Variants in ITGA9 observed in about 807,000 individuals in gnomAD.
ITGA9 encodes the protein integrin subunit alpha 9.
Under a neutral mutation model 127.8 loss-of-function variants are expected in ITGA9, and 56 were observed. The observed-to-expected ratio is 0.44, with a 90% confidence interval of 0.35 to 0.55. The LOEUF (loss-of-function observed/expected upper bound fraction) is 0.55. Ranked by LOEUF, ITGA9 falls within the 20% of genes least tolerant of loss-of-function variation. The pLI, the probability that ITGA9 is intolerant of heterozygous loss-of-function variation, is 0.00. For synonymous variants in ITGA9, 508 were observed against 514.5 expected, an observed-to-expected ratio of 0.99 and a Z score of 0.17; for missense variants, 1,196 against 1,347.1, an observed-to-expected ratio of 0.89 and a Z score of 1.76.
intron 16 of ITGA9, among the ~76,000 whole-genome samples, chr3:37,632,962 C>T (rs1443439604): frequency 1.3e-5 from 2 of 152,136 alleles, no homozygotes; most frequent in Admixed American, 1.3e-4. Flanking sequence ...AGTAACTCTT[C>T]CAAGGAAATT....
At chr3:37,683,843 T>C (rs1169804471) in intron 17 of ITGA9, 22 bp from the exon 18 acceptor site, 1 of 1,613,526 alleles carries the variant, frequency 6.2e-7, no homozygotes, top group East Asian at 2.2e-5. Flanking sequence ...GGGCATTCAT[T>C]GCTGTCTATT....
chr3:37,813,880 C>T (rs1697398032), intron 27 of ITGA9, among the ~76,000 whole-genome samples: 1 of 152,142 alleles, frequency 6.6e-6, no homozygotes, highest in South Asian at 2.1e-4. Flanking sequence ...ACCTTAAAAT[C>T]CCACAGTTCA....
chr3:37,639,750 G>C (rs763338943), intron 16 of ITGA9, among the ~76,000 whole-genome samples: 59 of 152,206 alleles, frequency 3.9e-4, no homozygotes, highest in Admixed American at 1.6e-3. Context: ...GTGAGTCCCT[G>C]GGGAGTCTGT....
intron 3 of ITGA9, among the ~76,000 whole-genome samples, chr3:37,479,180 A>T (rs1213018961): frequency 6.6e-6 from 1 of 152,220 alleles, no homozygotes; most frequent in African/African-American, 2.4e-5. Flanking sequence ...ATTGAGTCAG[A>T]ACTTTAAAAA....
chr3:37,631,744 A>T (rs1476300263), intron 16 of ITGA9, among the ~76,000 whole-genome samples: 3 of 152,124 alleles, frequency 2.0e-5, no homozygotes, highest in Admixed American at 2.0e-4. Flanking sequence ...AAGAAGTGGG[A>T]CTGCAAGTGG....
intron 3 of ITGA9, among the ~76,000 whole-genome samples, chr3:37,475,052 T>C (rs533415116): frequency 6.6e-6 from 1 of 152,362 alleles, no homozygotes; most frequent in African/African-American, 2.4e-5. Flanking sequence ...ACAGGCTCCC[T>C]GAGCCCGCTG....
chr3:37,595,762 GT>G (rs1443080778), intron 15 of ITGA9, among the ~76,000 whole-genome samples: 2 of 152,208 alleles, frequency 1.3e-5, no homozygotes, highest in Admixed American at 6.5e-5. Context: ...CTGCCACCCA[GT>G]TTTTATGAAC....
intron 15 of ITGA9, among the ~76,000 whole-genome samples, chr3:37,581,772 A>G (rs532787446): frequency 9.9e-5 from 15 of 152,282 alleles, no homozygotes; most frequent in African/African-American, 3.6e-4. Context: ...GCGAACTCAG[A>G]GTGGGACTTG....
chr3:37,503,173 G>C lies in ITGA9; in HGVS notation c.613-5G>C. 6.2e-7 allele frequency: 1 copy of C among 1,613,652 alleles called. No homozygotes were observed. The highest frequency in any genetic ancestry group is 8.5e-7 in the Non-Finnish European group (1 of 1,179,756). ...TCTGCTTACCGTTGGATTTCTTTTT[G>C]GTAGGAGCTGGTGGTGATGGGTGCT... On this transcript the variant is annotated splice_polypyrimidine_tract_variant and splice_region_variant and intron_variant, in intron 5 of 27. Coordinates refer to ENST00000264741, the MANE Select transcript of ITGA9 (RefSeq NM_002207.3).
chr3:37,617,579 C>T (rs1197152435), intron 15 of ITGA9, among the ~76,000 whole-genome samples: 1 of 152,194 alleles, frequency 6.6e-6, no homozygotes, highest in Non-Finnish European at 1.5e-5. Context: ...GTTCCATTTT[C>T]CCCGTCACTT....
At chr3:37,469,884 C>T (rs1698409797) in intron 1 of ITGA9, among the ~76,000 whole-genome samples, 1 of 152,136 alleles carries the variant, frequency 6.6e-6, no homozygotes, top group African/African-American at 2.4e-5. Context: ...TAACCTCTGC[C>T]TCTTGGGTTC....
At chr3:37,742,991 A>C (rs1416804860) in intron 21 of ITGA9, among the ~76,000 whole-genome samples, 2 of 152,208 alleles carry the variant, frequency 1.3e-5, no homozygotes, top group African/African-American at 2.4e-5. Flanking sequence ...GACAAAGAGA[A>C]AACATTCTCC....
At chr3:37,741,575 T>C (rs989696856) in intron 20 of ITGA9, among the ~76,000 whole-genome samples, 155 bp from the exon 21 acceptor site, 17 of 152,178 alleles carry the variant, frequency 1.1e-4, no homozygotes, top group African/African-American at 3.9e-4. Context: ...GTGCCCTTGA[T>C]AGATATGTAC....
At chr3:37,724,793 C>T (rs948065665) in intron 18 of ITGA9, among the ~76,000 whole-genome samples, 190 of 152,292 alleles carry the variant, frequency 1.2e-3, no homozygotes, top group African/African-American at 4.3e-3. Flanking sequence ...CCACTGAGCC[C>T]GGTCAAAATC....
chr3:37,523,739 G>A, intron 12 of ITGA9, 128 bp downstream of exon 12: 2 of 757,754 alleles, frequency 2.6e-6, no homozygotes, highest in Non-Finnish European at 4.7e-6. Context: ...ATAGAATAGG[G>A]TGTTTTGCCT....
intron 21 of ITGA9, 115 bp downstream of exon 21, chr3:37,741,934 T>G: frequency 1.3e-6 from 1 of 774,256 alleles, no homozygotes; most frequent in Non-Finnish European, 2.3e-6. Flanking sequence ...CCACCTCCAC[T>G]TCCTCCCAGC....
intron 1 of ITGA9, among the ~76,000 whole-genome samples, chr3:37,466,054 C>A (rs371135021): frequency 6.6e-6 from 1 of 152,208 alleles, no homozygotes; most frequent in African/African-American, 2.4e-5. Context: ...TAGTACCTCC[C>A]GTAGGGTTGC....
At chr3:37,579,123 C>G (rs184633436) in intron 15 of ITGA9, among the ~76,000 whole-genome samples, 1 of 152,120 alleles carries the variant, frequency 6.6e-6, no homozygotes. Context: ...CCAGGGAAGC[C>G]GTCTCATGAG....
chr3:37,530,508 A>G (rs487036), intron 13 of ITGA9, among the ~76,000 whole-genome samples: 88,884 of 151,812 alleles, frequency 0.59, 26,462 homozygotes, highest in East Asian at 0.82. Flanking sequence ...CTCCCTGGAG[A>G]TAGGTGGCCC....
Sources: allele counts gnomAD v4.1 joint callset (sites outside exome capture counted in the v4.1 genomes callset), GRCh38; gene constraint gnomAD v4.1.1; transcripts MANE v1.5; gene names NCBI Gene and HGNC (gene_info 2026-07-23, HGNC 2026-07-21).